The following CMSS1 variants were observed in gnomAD, a reference collection of about 807,000 sequenced individuals.
The protein encoded by CMSS1 is protein CMSS1.
In CMSS1, 33 loss-of-function variants were observed where a neutral mutation model predicts 43.5. The ratio of observed to expected loss-of-function variants is 0.76; its 90% CI spans 0.57 to 1.01. CMSS1 has a LOEUF of 1.01. CMSS1 is among the 50% of genes least tolerant of loss of function. The probability of loss-of-function intolerance (pLI) is 0.00; values close to 1 mark genes in which losing one functional copy is unlikely to be tolerated. For missense variants in CMSS1, 313 were observed against 326.4 expected, an observed-to-expected ratio of 0.96 and a Z score of 0.32; for synonymous variants, 115 against 117.2, an observed-to-expected ratio of 0.98 and a Z score of 0.12.
At chr3:99,987,268 C>T (rs1391180695) in intron 1 of CMSS1, among the ~76,000 whole-genome samples, 1 of 150,626 alleles carries the variant, frequency 6.6e-6, no homozygotes, top group Non-Finnish European at 1.5e-5. Context: ...GTGGCTCACT[C>T]CTGTAATCCC....
At chr3:99,892,194 T>G (rs1706104373) in intron 1 of CMSS1, among the ~76,000 whole-genome samples, 1 of 152,182 alleles carries the variant, frequency 6.6e-6, no homozygotes, top group Non-Finnish European at 1.5e-5. Context: ...AACTGCATCT[T>G]GAATTAAGAA....
intron 1 of CMSS1, among the ~76,000 whole-genome samples, chr3:100,123,784 AG>A (rs1336482931): frequency 6.6e-6 from 1 of 152,242 alleles, no homozygotes; most frequent in Non-Finnish European, 1.5e-5. Context: ...CCAGTAAGGT[AG>A]GTCCCGGCCC....
At position 100,043,214 on chromosome 3, in the gene CMSS1, G is replaced by T. The variant is rs1438959434; in HGVS notation, c.65-103759G>T. On this transcript the variant is annotated intron_variant, in intron 1 of 9. Coordinates refer to ENST00000421999, the MANE Select transcript of CMSS1 (RefSeq NM_032359.4). ...CATATCCAGTATTTCATTCTTTACTGTGTTGTGCCTTATCTGCTCTCTGTA... is the reference window on the plus strand; with the variant it reads ...CATATCCAGTATTTCATTCTTTACTTTGTTGTGCCTTATCTGCTCTCTGTA... Among the ~76,000 whole-genome samples the T allele has an allele frequency of 1.3e-5, 2 of 152,202 alleles. 1 individual carries two copies. The highest frequency in any genetic ancestry group is 2.9e-5 in the Non-Finnish European group (2 of 68,044).
intron 1 of CMSS1, among the ~76,000 whole-genome samples, chr3:99,932,078 A>G (rs1371729434): frequency 6.6e-6 from 1 of 152,174 alleles, no homozygotes; most frequent in Admixed American, 6.5e-5. Flanking sequence ...CTACCACACA[A>G]ATTTATAAAA....
At chr3:99,859,381 G>A (rs1576521001) in intron 1 of CMSS1, among the ~76,000 whole-genome samples, 2 of 152,286 alleles carry the variant, frequency 1.3e-5, no homozygotes, top group South Asian at 4.1e-4. Flanking sequence ...AGCTTGTTTG[G>A]TCTTAAGATG....
intron 1 of CMSS1, chr3:99,930,142 C>A: frequency 2.4e-6 from 2 of 843,188 alleles, no homozygotes; most frequent in South Asian, 1.8e-5. Context: ...CTAAATGAAT[C>A]ATATTTCATT....
chr3:99,829,081 G>A (rs1006526793), intron 1 of CMSS1, among the ~76,000 whole-genome samples: 5 of 152,086 alleles, frequency 3.3e-5, no homozygotes, highest in Non-Finnish European at 5.9e-5. Context: ...GATAAGTATG[G>A]GGAATGGGAG....
intron 1 of CMSS1, among the ~76,000 whole-genome samples, chr3:100,054,503 T>C (rs2065429072): frequency 6.7e-6 from 1 of 149,298 alleles, no homozygotes; most frequent in Non-Finnish European, 1.5e-5. Flanking sequence ...TTATGTTATG[T>C]TATGTTATGT....
At chr3:100,148,619 T>C (rs1046410722) in intron 2 of CMSS1, among the ~76,000 whole-genome samples, 1 of 152,156 alleles carries the variant, frequency 6.6e-6, no homozygotes, top group African/African-American at 2.4e-5. Flanking sequence ...GTCACCTTCT[T>C]GGTAAATGAT....
chr3:100,029,564 A>G (rs985250331), intron 1 of CMSS1, among the ~76,000 whole-genome samples: 3 of 152,216 alleles, frequency 2.0e-5, no homozygotes, highest in African/African-American at 7.2e-5. Flanking sequence ...TATTAAAGAC[A>G]TAGCTTTTCT....
chr3:99,937,171 C>T (rs1361005786), intron 1 of CMSS1, among the ~76,000 whole-genome samples: 1 of 152,090 alleles, frequency 6.6e-6, no homozygotes, highest in Non-Finnish European at 1.5e-5. Context: ...CTCCTGACCA[C>T]AGGTGATCCA....
chr3:100,119,957 CTG>C (rs2066606046), intron 1 of CMSS1, among the ~76,000 whole-genome samples: 1 of 152,222 alleles, frequency 6.6e-6, no homozygotes, highest in Non-Finnish European at 1.5e-5. Context: ...AGGGGAGCCT[CTG>C]TCTGCCTTTG....
intron 1 of CMSS1, among the ~76,000 whole-genome samples, chr3:100,004,753 G>A (rs867975444): frequency 6.0e-4 from 91 of 152,330 alleles, no homozygotes; most frequent in Non-Finnish European, 4.7e-4. Flanking sequence ...GGGTTTAAAA[G>A]TGGAAGCACG....
chr3:99,907,755 G>T (rs1706666639), intron 1 of CMSS1, among the ~76,000 whole-genome samples: 1 of 151,760 alleles, frequency 6.6e-6, no homozygotes, highest in Non-Finnish European at 1.5e-5. Context: ...TTTTCTCCTT[G>T]TCTGAACTAT....
chr3:99,984,059 T>TG (rs1491534471), intron 1 of CMSS1, among the ~76,000 whole-genome samples: 71 of 151,634 alleles, frequency 4.7e-4, no homozygotes, highest in East Asian at 7.8e-4. Flanking sequence ...TGTATGTGTG[T>TG]TTGTGTGTGT....
At chr3:100,050,226 A>T (rs1481581255) in intron 1 of CMSS1, among the ~76,000 whole-genome samples, 1 of 152,190 alleles carries the variant, frequency 6.6e-6, no homozygotes, top group East Asian at 1.9e-4. Context: ...TCCTTCTTAA[A>T]AATATGACAC....
Position 99,910,679 on chromosome 3 carries a change from G to A in CMSS1, c.64+92636G>A, listed in dbSNP as rs1222353634. Among the ~76,000 whole-genome samples the A allele has an allele frequency of 2.2e-5, 3 of 136,882 alleles. 1 individual carries two copies. Among genetic ancestry groups the A allele is most frequent in the Admixed American group, 7.8e-5 (1 of 12,868 alleles). 89.8% of individuals were successfully genotyped at this position (136,882 alleles called of 152,430 possible). A position where few individuals can be genotyped will look rare whatever the true frequency, so the allele number is the denominator to read the frequency against. ...CCATATGTAAATAAACATTTTATGG[G>A]GTTTATATTTTCCCTTTGGCCTATA... On this transcript the variant is annotated intron_variant, in intron 1 of 9. Transcript: ENST00000421999.
intron 1 of CMSS1, among the ~76,000 whole-genome samples, chr3:100,063,911 C>A (rs576620972): frequency 6.6e-6 from 1 of 152,274 alleles, no homozygotes; most frequent in African/African-American, 2.4e-5. Context: ...GTTAAAATCT[C>A]TCCACATGTT....
intron 1 of CMSS1, among the ~76,000 whole-genome samples, chr3:99,951,263 C>G (rs1424414848): frequency 2.6e-5 from 4 of 152,172 alleles, no homozygotes; most frequent in African/African-American, 7.2e-5. Context: ...TCTAGTAGCA[C>G]TAAGACCTCC....
Sources: gnomAD v4.1 joint callset for allele counts (sites outside exome capture counted in the v4.1 genomes callset) on GRCh38, gnomAD v4.1.1 for gene constraint, MANE v1.5 for transcripts, NCBI Gene and HGNC (gene_info 2026-07-23, HGNC 2026-07-21) for gene names.